Variants in CES5A observed in about 807,000 individuals in gnomAD.
The protein encoded by CES5A is carboxylesterase 5A.
A neutral mutation model predicts 62.9 loss-of-function variants in CES5A; 67 were observed. The observed-to-expected ratio is 1.07, with a 90% CI of 0.88 to 1.31. The LOEUF is 1.31. CES5A is among the 50% of genes most tolerant of loss of function. The probability of loss-of-function intolerance (pLI) is 0.00; values close to 1 mark genes in which losing one functional copy is unlikely to be tolerated. For missense variants in CES5A, 748 were observed against 708.5 expected (o/e 1.06, Z -0.63); for synonymous variants, 296 against 280.8 (o/e 1.05, Z -0.54).
chr16:55,910,162 C>A (rs1214230213), intron 1 of CES5A, among the ~76,000 whole-genome samples: 2 of 152,226 alleles, frequency 1.3e-5, no homozygotes, highest in Non-Finnish European at 2.9e-5. Flanking sequence ...TGTGGCCACA[C>A]CCCCTCCTCC....
upstream of CES5A, among the ~76,000 whole-genome samples, chr16:55,925,850 AC>A (rs1386557550): frequency 6.6e-6 from 1 of 152,124 alleles, no homozygotes; most frequent in Non-Finnish European, 1.5e-5. Context: ...TAAATAGACA[AC>A]CTACAGAATA....
rs147413900 is a variant in CES5A at position 55,894,570 on chromosome 16, C to T, written c.-255-20533G>A. On this transcript the variant is annotated intron_variant, in intron 1 of 12. Transcript: ENST00000518005. ...TGTTTTTAGAGGATGTGGGTGACAT[C>T]GAAGAAAATGATGGAGTAGGGAACT... Among the ~76,000 whole-genome samples, 247 of 150,526 alleles carry T rather than the reference C, an allele frequency of 1.6e-3. 1 individual carries two copies. Among genetic ancestry groups the T allele is most frequent in the Middle Eastern group, 7.0e-3 (2 of 286 alleles).
intron 3 of CES5A, among the ~76,000 whole-genome samples, chr16:55,871,083 A>G (rs1413036600): frequency 6.6e-6 from 1 of 152,226 alleles, no homozygotes. Context: ...AGCATTTAAT[A>G]GACATTACTG....
intron 3 of CES5A, among the ~76,000 whole-genome samples, chr16:55,870,778 CTTTA>C: frequency 6.6e-6 from 1 of 152,280 alleles, no homozygotes; most frequent in Middle Eastern, 3.4e-3. Flanking sequence ...ATGGCATTAT[CTTTA>C]TTTATATATT....
At chr16:55,889,151 G>A (rs1252772514) in intron 1 of CES5A, among the ~76,000 whole-genome samples, 1 of 151,860 alleles carries the variant, frequency 6.6e-6, no homozygotes, top group Non-Finnish European at 1.5e-5. Context: ...AAAAAAAAAG[G>A]TATTTTTTCC....
chr16:55,858,483 A>C (rs116041318), intron 8 of CES5A, among the ~76,000 whole-genome samples: 391 of 152,292 alleles, frequency 2.6e-3, no homozygotes, highest in South Asian at 0.025. Context: ...GAAATCACTG[A>C]AAGGCCTTAC....
At chr16:55,918,947 T>G (rs2034173994) in intron 1 of CES5A, among the ~76,000 whole-genome samples, 1 of 152,150 alleles carries the variant, frequency 6.6e-6, no homozygotes, top group South Asian at 2.1e-4. Flanking sequence ...TCTACCAGGG[T>G]GGGTCTTCAG....
At chr16:55,890,760 T>C (rs1475074881) in intron 1 of CES5A, among the ~76,000 whole-genome samples, 1 of 152,114 alleles carries the variant, frequency 6.6e-6, no homozygotes, top group African/African-American at 2.4e-5. Flanking sequence ...TGGGGAGTCA[T>C]GCTCTTGTGA....
intron 2 of CES5A, among the ~76,000 whole-genome samples, chr16:55,932,586 A>G (rs1356129947): frequency 6.6e-6 from 1 of 152,010 alleles, no homozygotes; most frequent in Non-Finnish European, 1.5e-5. Flanking sequence ...GCAACTCTGG[A>G]TAGAGTCATC....
At chr16:55,924,192 C>A (rs889703556) in intron 1 of CES5A, among the ~76,000 whole-genome samples, 4 of 151,774 alleles carry the variant, frequency 2.6e-5, no homozygotes, top group Non-Finnish European at 5.9e-5. Flanking sequence ...ACAAAAAAAA[C>A]TGTTAGAATT....
chr16:55,897,969 T>C (rs1265535376), intron 1 of CES5A, among the ~76,000 whole-genome samples: 1 of 152,158 alleles, frequency 6.6e-6, no homozygotes, highest in Non-Finnish European at 1.5e-5. Context: ...AAGCCAAGCA[T>C]GAAAAGCATA....
At chr16:55,916,460 A>G (rs1222780395) in intron 1 of CES5A, among the ~76,000 whole-genome samples, 1 of 152,228 alleles carries the variant, frequency 6.6e-6, no homozygotes, top group Non-Finnish European at 1.5e-5. Flanking sequence ...ATGAGTGAAG[A>G]CAGCCAGCCT....
chr16:55,877,549 G>C (rs1232664193), upstream of CES5A, among the ~76,000 whole-genome samples: 1 of 151,888 alleles, frequency 6.6e-6, no homozygotes, highest in African/African-American at 2.4e-5. Flanking sequence ...GAGAACTATA[G>C]AGGAAATGGT....
intron 2 of CES5A, among the ~76,000 whole-genome samples, chr16:55,936,911 C>T (rs1308100363): frequency 6.6e-6 from 1 of 152,078 alleles, no homozygotes; most frequent in Non-Finnish European, 1.5e-5. Context: ...CAATTTAATC[C>T]TGAAAACAAC....
intron 1 of CES5A, among the ~76,000 whole-genome samples, chr16:55,902,196 T>C (rs2033996807): frequency 6.6e-6 from 1 of 152,184 alleles, no homozygotes; most frequent in South Asian, 2.1e-4. Context: ...CAGCAGGGGA[T>C]GAGAAATGCG....
chr16:55,928,769 G>A (rs546474514), upstream of CES5A, among the ~76,000 whole-genome samples: 1 of 152,234 alleles, frequency 6.6e-6, no homozygotes, highest in African/African-American at 2.4e-5. Flanking sequence ...GATGTCTATG[G>A]TGTTGGCTGT....
At chr16:55,894,601 G>A (rs532006656) in intron 1 of CES5A, among the ~76,000 whole-genome samples, 4 of 151,914 alleles carry the variant, frequency 2.6e-5, no homozygotes, top group African/African-American at 9.7e-5. Context: ...GAACTCCAAG[G>A]CCCCATTTCT....
In CES5A at chr16:55,896,779, CATGACAACA is replaced by C. The variant is rs1316214352; in HGVS notation, c.-255-22751_-255-22743del. 6.2e-3 allele frequency among the ~76,000 whole-genome samples: 939 copies of C among 152,330 alleles called. 13 individuals carry two copies. The highest frequency in any genetic ancestry group is 0.022 in the African/African-American group (906 of 41,574). Reference sequence around the variant, plus strand: ...TACATCCATTATCTCATTTAATCCTCATGACAACACTGCAAGGAGGGTTTAGCCTCATTT... The same window carrying C: ...TACATCCATTATCTCATTTAATCCTCCTGCAAGGAGGGTTTAGCCTCATTT... On this transcript the variant is annotated intron_variant, in intron 1 of 12. Transcript: ENST00000518005.
chr16:55,955,981 T>C, exon 1 of CES5A: 1 of 1,354,500 alleles, frequency 7.4e-7, no homozygotes, highest in Admixed American at 2.0e-5. Context: ...ATGGTACAGC[T>C]GATAAAGAAA....
Sources: gnomAD v4.1 joint callset for allele counts (sites outside exome capture counted in the v4.1 genomes callset) on GRCh38, gnomAD v4.1.1 for gene constraint, MANE v1.5 for transcripts, NCBI Gene and HGNC (gene_info 2026-07-23, HGNC 2026-07-21) for gene names.